EXOC6B: variants seen among roughly 807,000 people sequenced by gnomAD.
The protein encoded by EXOC6B is SEC15 homolog B.
A neutral mutation model predicts 113.5 loss-of-function variants in EXOC6B; 54 were observed. The observed-to-expected ratio is 0.48, with a 90% confidence interval of 0.38 to 0.60. EXOC6B has a LOEUF of 0.60. Ranked by LOEUF, EXOC6B falls within the 20% of genes least tolerant of loss-of-function variation. The pLI is 0.00. For missense variants in EXOC6B, 797 were observed against 977.5 expected (o/e 0.82, Z 2.46); for synonymous variants, 357 against 339.0 (o/e 1.05, Z -0.58).
At chr2:72,375,577 G>C (rs1691307285) in intron 19 of EXOC6B, among the ~76,000 whole-genome samples, 4 of 151,864 alleles carry the variant, frequency 2.6e-5, no homozygotes, top group Admixed American at 1.3e-4. Context: ...ACAAGTAAAA[G>C]AAAACACAAA....
At chr2:72,687,571 A>G (rs1449744951) in intron 6 of EXOC6B, among the ~76,000 whole-genome samples, 1 of 152,208 alleles carries the variant, frequency 6.6e-6, no homozygotes, top group Non-Finnish European at 1.5e-5. Flanking sequence ...GTAAGGAAAC[A>G]ACGTTAAGTA....
At chr2:72,812,820 C>T (rs1261351025) in intron 1 of EXOC6B, among the ~76,000 whole-genome samples, 2 of 151,888 alleles carry the variant, frequency 1.3e-5, no homozygotes, top group Admixed American at 6.6e-5. Flanking sequence ...ATCAGTCTAC[C>T]AGTATCAGGA....
At chr2:72,423,469 TAAGAATTTATTAAATA>T (rs1266191111) in intron 18 of EXOC6B, among the ~76,000 whole-genome samples, 1 of 152,180 alleles carries the variant, frequency 6.6e-6, no homozygotes, top group East Asian at 1.9e-4. Flanking sequence ...AATTAAAAAT[TAAGAATTTATTAAATA>T]ATGTGTTTTT....
intron 20 of EXOC6B, among the ~76,000 whole-genome samples, chr2:72,255,736 T>C (rs966178053): frequency 6.6e-6 from 1 of 152,172 alleles, no homozygotes; most frequent in Non-Finnish European, 1.5e-5. Flanking sequence ...ACGTAGATGA[T>C]TTAGGTGATG....
At chr2:72,721,364 T>TAAAAAAA in intron 5 of EXOC6B, among the ~76,000 whole-genome samples, 1 of 28,488 alleles carries the variant, frequency 3.5e-5, no homozygotes, top group Non-Finnish European at 6.0e-5. Flanking sequence ...GTTGTTTTTG[T>TAAAAAAA]AAAAAAAAAA....
intron 8 of EXOC6B, among the ~76,000 whole-genome samples, chr2:72,527,348 G>A (rs1290624034): frequency 2.0e-5 from 3 of 151,854 alleles, no homozygotes; most frequent in Non-Finnish European, 2.9e-5. Context: ...AATCTCTAGA[G>A]ATTCATCCAG....
At chr2:72,505,586 T>C (rs1248444902) in intron 11 of EXOC6B, among the ~76,000 whole-genome samples, 1 of 152,172 alleles carries the variant, frequency 6.6e-6, no homozygotes, top group Non-Finnish European at 1.5e-5. Context: ...ATAATAAAAC[T>C]ATTGAAATTT....
At chr2:72,425,313 T>C (rs1695141524) in intron 18 of EXOC6B, among the ~76,000 whole-genome samples, 1 of 152,218 alleles carries the variant, frequency 6.6e-6, no homozygotes, top group Non-Finnish European at 1.5e-5. Context: ...ACATTATATT[T>C]AAAATACTCT....
intron 20 of EXOC6B, among the ~76,000 whole-genome samples, chr2:72,195,625 A>C (rs558250307): frequency 1.3e-3 from 199 of 152,340 alleles, no homozygotes; most frequent in Non-Finnish European, 2.2e-3. Context: ...CAAAATGACT[A>C]AGTGGCTTAA....
intron 6 of EXOC6B, among the ~76,000 whole-genome samples, chr2:72,601,758 T>C (rs1016122160): frequency 3.9e-5 from 6 of 152,170 alleles, no homozygotes; most frequent in African/African-American, 1.4e-4. Flanking sequence ...TGGCCAAACC[T>C]TAGAAGCACC....
intron 7 of EXOC6B, among the ~76,000 whole-genome samples, chr2:72,573,769 C>A (rs1704652382): frequency 6.6e-6 from 1 of 152,114 alleles, no homozygotes; most frequent in South Asian, 2.1e-4. Flanking sequence ...TAAAATTATT[C>A]ACTTAAATAG....
intron 6 of EXOC6B, among the ~76,000 whole-genome samples, chr2:72,618,627 G>C (rs1671548477): frequency 6.6e-6 from 1 of 152,102 alleles, no homozygotes; most frequent in Non-Finnish European, 1.5e-5. Context: ...CAATTCGTTA[G>C]TGCCTATTAA....
chr2:72,748,383 G>C (rs569481951), intron 1 of EXOC6B, among the ~76,000 whole-genome samples: 1 of 152,048 alleles, frequency 6.6e-6, no homozygotes, highest in Non-Finnish European at 1.5e-5. Context: ...GATGTTGAAA[G>C]AGAAACTGCA....
intron 20 of EXOC6B, among the ~76,000 whole-genome samples, chr2:72,256,374 A>C (rs775847894): frequency 1.8e-4 from 28 of 152,246 alleles, no homozygotes; most frequent in Non-Finnish European, 2.9e-4. Flanking sequence ...TTTTGCAGAT[A>C]GGGTGACTAA....
chr2:72,438,635 C>G (rs959836979), intron 18 of EXOC6B, among the ~76,000 whole-genome samples: 1 of 152,062 alleles, frequency 6.6e-6, no homozygotes, highest in African/African-American at 2.4e-5. Context: ...AGAAAAAAAA[C>G]AGAGAGAGAG....
At chr2:72,551,597 C>G (rs906797225) in intron 8 of EXOC6B, among the ~76,000 whole-genome samples, 149 of 151,952 alleles carry the variant, frequency 9.8e-4, no homozygotes, top group African/African-American at 3.6e-3. Flanking sequence ...CTCCGCCTCC[C>G]GGGTTCACGC....
intron 18 of EXOC6B, among the ~76,000 whole-genome samples, chr2:72,458,712 C>T (rs1697412112): frequency 2.0e-5 from 3 of 152,074 alleles, no homozygotes; most frequent in Admixed American, 1.3e-4. Flanking sequence ...ATTTACAGTA[C>T]AGCCTTGCAA....
chr2:72,309,919 T>G (rs1687088905), intron 20 of EXOC6B, among the ~76,000 whole-genome samples: 1 of 152,216 alleles, frequency 6.6e-6, no homozygotes, highest in Non-Finnish European at 1.5e-5. Context: ...TGTGTTTGAC[T>G]TCTTTCACTT....
intron 7 of EXOC6B, among the ~76,000 whole-genome samples, chr2:72,563,618 T>C (rs1024553283): frequency 1.3e-5 from 2 of 152,126 alleles, no homozygotes; most frequent in Non-Finnish European, 2.9e-5. Context: ...GCCCCACAGA[T>C]AATATTTACT....
Sources: gnomAD v4.1 joint callset for allele counts (sites outside exome capture counted in the v4.1 genomes callset) on GRCh38, gnomAD v4.1.1 for gene constraint, MANE v1.5 for transcripts, NCBI Gene and HGNC (gene_info 2026-07-23, HGNC 2026-07-21) for gene names.